Variants in PSD3 observed in about 807,000 individuals in gnomAD.
PSD3 encodes pleckstrin and Sec7 domain containing 3.
PSD3 carries 49 observed loss-of-function variants against 105.5 expected under a neutral mutation model. The observed-to-expected ratio is 0.46, with a 90% CI of 0.37 to 0.59. The LOEUF is 0.59. PSD3 is among the 20% of genes least tolerant of loss of function. The pLI is 0.00. For missense variants in PSD3, 1,561 were observed against 1,263.8 expected (o/e 1.24, Z -3.57); for synonymous variants, 557 against 457.8 (o/e 1.22, Z -2.77).
chr8:18,751,608 G>A (rs1335443646), intron 9 of PSD3, among the ~76,000 whole-genome samples: 1 of 149,002 alleles, frequency 6.7e-6, no homozygotes, highest in East Asian at 2.0e-4. Context: ...CACTAAGGCA[G>A]GCTTAGAGCC....
At chr8:19,029,820 C>G (rs1033353850) in intron 1 of PSD3, among the ~76,000 whole-genome samples, 1 of 152,120 alleles carries the variant, frequency 6.6e-6, no homozygotes, top group Non-Finnish European at 1.5e-5. Context: ...TCAAAATTTT[C>G]ACTAATAAAT....
chr8:18,950,739 T>C (rs1378705359), intron 1 of PSD3, among the ~76,000 whole-genome samples: 1 of 152,146 alleles, frequency 6.6e-6, no homozygotes. Flanking sequence ...TATTTATATA[T>C]ACATAATATA....
At chr8:18,908,873 T>C (rs541845389) in intron 2 of PSD3, among the ~76,000 whole-genome samples, 1 of 152,274 alleles carries the variant, frequency 6.6e-6, no homozygotes, top group South Asian at 2.1e-4. Flanking sequence ...TTTAAAACTA[T>C]CTAAATATGA....
chr8:19,069,861 G>A (rs1182720745), intron 1 of PSD3, among the ~76,000 whole-genome samples: 1 of 152,104 alleles, frequency 6.6e-6, no homozygotes, highest in Non-Finnish European at 1.5e-5. Flanking sequence ...TCATTTGTGA[G>A]CTTAAGTATC....
chr8:18,730,934 G>A (rs1391476208), intron 9 of PSD3, among the ~76,000 whole-genome samples: 1 of 152,032 alleles, frequency 6.6e-6, no homozygotes, highest in Non-Finnish European at 1.5e-5. Context: ...CCTAGCTAAG[G>A]TCGAAAGTAA....
intron 8 of PSD3, among the ~76,000 whole-genome samples, chr8:18,795,159 A>T (rs908540389): frequency 6.6e-6 from 1 of 152,140 alleles, no homozygotes; most frequent in Non-Finnish European, 1.5e-5. Context: ...TCTTCTCCCT[A>T]CCAGTAAGTT....
chr8:18,998,480 G>T, intron 1 of PSD3, among the ~76,000 whole-genome samples: 1 of 151,908 alleles, frequency 6.6e-6, no homozygotes, highest in South Asian at 2.1e-4. Flanking sequence ...AAGGTCGGGA[G>T]ATTGAGACCA....
intron 9 of PSD3, among the ~76,000 whole-genome samples, chr8:18,738,097 T>C (rs184121695): frequency 6.6e-6 from 1 of 152,144 alleles, no homozygotes; most frequent in East Asian, 1.9e-4. Context: ...ATGGCTAACA[T>C]GGGGTCACAG....
At chr8:18,582,936 C>T (rs1802914911) in intron 12 of PSD3, among the ~76,000 whole-genome samples, 1 of 151,208 alleles carries the variant, frequency 6.6e-6, no homozygotes, top group African/African-American at 2.4e-5. Context: ...AGCAATTCTC[C>T]TGCCTCAGAC....
chr8:19,065,457 T>C (rs58574271), intron 1 of PSD3, among the ~76,000 whole-genome samples: 6,808 of 152,248 alleles, frequency 0.045, 497 homozygotes, highest in African/African-American at 0.16. Flanking sequence ...CTGACCCTCG[T>C]CACAAGACAC....
rs564000827 is a variant in PSD3, at chr8:18,699,470, A to G, written c.2173-43785T>C. On this transcript the variant is annotated intron_variant, in intron 9 of 15. Coordinates refer to ENST00000327040, the MANE Select transcript of PSD3 (RefSeq NM_015310.4). The stretch of plus-strand genomic sequence containing the variant: ...TCACAGTCAGGCAAGACGACCCAAC[A>G]TTTCTTTCTTGAGCTTATTTTCAGG... Among the ~76,000 whole-genome samples the G allele has an allele frequency of 4.1e-4, 62 of 152,230 alleles. No individual in the cohort carries two copies. The South Asian group carries it at 8.3e-3, about 20-fold the overall frequency.
intron 1 of PSD3, among the ~76,000 whole-genome samples, chr8:18,959,301 A>G (rs568528263): frequency 6.6e-6 from 1 of 151,930 alleles, no homozygotes; most frequent in Admixed American, 6.6e-5. Context: ...TTTCATATCC[A>G]TCTCCCTTCC....
At chr8:19,017,992 C>T (rs577514109), upstream of PSD3, among the ~76,000 whole-genome samples, 36 of 152,218 alleles carry the variant, frequency 2.4e-4, no homozygotes, top group Non-Finnish European at 4.3e-4. Flanking sequence ...CCACAGTGGC[C>T]GCACCACTCT....
rs777447430 is a variant in PSD3 at position 18,632,715 on chromosome 8, T to C, written c.2308A>G (p.Thr770Ala). ...GGAATGTCCAAAAATGGGTTAGTAGTACTTCCAATACGACTGATGGTCTTT... is the reference window on the plus strand; with the variant it reads ...GGAATGTCCAAAAATGGGTTAGTAGCACTTCCAATACGACTGATGGTCTTT... ...HPKTISRIGSTTNPFLDIPHD... is the reference protein window; with the variant it reads ...HPKTISRIGSATNPFLDIPHD... Residue 770 changes from threonine (T) to alanine (A), a missense_variant, in exon 11 of 16, where the codon ACT becomes GCT. Thr to Ala is a moderately conservative substitution (Grantham distance 58). Coordinates refer to ENST00000327040, the MANE Select transcript of PSD3 (RefSeq NM_015310.4). The C allele has an allele frequency of 6.2e-7, 1 of 1,609,548 alleles. No individual in the cohort carries two copies. The highest frequency in any genetic ancestry group is 1.7e-5 in the Admixed American group (1 of 59,872).
chr8:18,851,354 C>T (rs116194864), intron 4 of PSD3, among the ~76,000 whole-genome samples: 1,604 of 152,308 alleles, frequency 0.011, 34 homozygotes, highest in African/African-American at 0.037. Context: ...ATATTCATGA[C>T]AAAAAGCCAA....
intron 1 of PSD3, among the ~76,000 whole-genome samples, chr8:19,029,341 A>G (rs334195): frequency 0.3 from 45,342 of 152,054 alleles, 8,054 homozygotes; most frequent in East Asian, 0.4. Flanking sequence ...GCAATGTTCT[A>G]CAGTTTTCAG....
intron 1 of PSD3, among the ~76,000 whole-genome samples, chr8:19,035,910 A>G (rs10088061): frequency 0.14 from 21,478 of 151,890 alleles, 1,946 homozygotes; most frequent in African/African-American, 0.26. Context: ...GCATACCACT[A>G]TGCCTGGCTA....
chr8:19,038,048 G>A (rs970974681), intron 1 of PSD3, among the ~76,000 whole-genome samples: 1 of 151,278 alleles, frequency 6.6e-6, no homozygotes. Flanking sequence ...GTTCCTCTTG[G>A]ACACCCTAAC....
chr8:18,772,154 A>G (rs971730462), intron 8 of PSD3, among the ~76,000 whole-genome samples: 1 of 152,122 alleles, frequency 6.6e-6, no homozygotes, highest in African/African-American at 2.4e-5. Context: ...GTCTGCTTCT[A>G]CTTCTTGGTT....
Sources: gnomAD v4.1 joint callset for allele counts (sites outside exome capture counted in the v4.1 genomes callset) on GRCh38, gnomAD v4.1.1 for gene constraint, MANE v1.5 for transcripts, NCBI Gene and HGNC (gene_info 2026-07-23, HGNC 2026-07-21) for gene names.